The following MACROD2 variants were observed in gnomAD, a reference collection of about 807,000 sequenced individuals.
MACROD2 encodes the protein mono-ADP ribosylhydrolase 2.
A neutral mutation model predicts 70.4 loss-of-function variants in MACROD2; 36 were observed. The ratio of observed to expected loss-of-function variants is 0.51; its 90% CI spans 0.39 to 0.68. The LOEUF is 0.68. Among genes scored for constraint, MACROD2 ranks in the 30% least tolerant of loss-of-function variants. MACROD2 has a pLI of 0.00. For missense variants in MACROD2, 496 were observed against 538.4 expected (o/e 0.92, Z 0.78); for synonymous variants, 172 against 178.8 (o/e 0.96, Z 0.30).
chr20:15,031,574 C>T (rs538321287), intron 5 of MACROD2, among the ~76,000 whole-genome samples: 1 of 152,122 alleles, frequency 6.6e-6, no homozygotes, highest in Non-Finnish European at 1.5e-5. Flanking sequence ...GAGAGGGGAC[C>T]CATACTGGGT....
chr20:14,676,702 G>T (rs544186629), intron 4 of MACROD2, among the ~76,000 whole-genome samples: 1 of 152,140 alleles, frequency 6.6e-6, no homozygotes, highest in African/African-American at 2.4e-5. Context: ...CAGAAGACAA[G>T]AATTAACTAA....
intron 8 of MACROD2, among the ~76,000 whole-genome samples, chr20:15,844,064 G>A (rs1023536034): frequency 6.6e-6 from 1 of 151,610 alleles, no homozygotes; most frequent in African/African-American, 2.4e-5. Flanking sequence ...GCACATATAT[G>A]AGTAGCAAAA....
At chr20:15,708,077 C>T (rs1488587809) in intron 8 of MACROD2, among the ~76,000 whole-genome samples, 1 of 150,940 alleles carries the variant, frequency 6.6e-6, no homozygotes, top group Non-Finnish European at 1.5e-5. Context: ...TGCACTTCTG[C>T]CAGAAGAGGC....
At chr20:14,152,101 G>A (rs1164401205) in intron 3 of MACROD2, among the ~76,000 whole-genome samples, 1 of 151,986 alleles carries the variant, frequency 6.6e-6, no homozygotes, top group Non-Finnish European at 1.5e-5. Context: ...GATTACAGGC[G>A]TGAGCCACCA....
At chr20:15,480,544 C>G (rs374618850) in intron 7 of MACROD2, among the ~76,000 whole-genome samples, 1 of 152,160 alleles carries the variant, frequency 6.6e-6, no homozygotes, top group East Asian at 1.9e-4. Context: ...CTCTGCCCCC[C>G]TTCTCCACTG....
chr20:14,172,271 G>C (rs923230053), intron 3 of MACROD2, among the ~76,000 whole-genome samples: 2 of 149,308 alleles, frequency 1.3e-5, no homozygotes, highest in African/African-American at 4.9e-5. Flanking sequence ...ATAGTTAGTT[G>C]GTGAGTTCTT....
intron 15 of MACROD2, among the ~76,000 whole-genome samples, chr20:16,012,657 A>G (rs2066878654): frequency 6.6e-6 from 1 of 152,250 alleles, no homozygotes; most frequent in South Asian, 2.1e-4. Context: ...CTAATATATT[A>G]TCTGATTACA....
intron 4 of MACROD2, among the ~76,000 whole-genome samples, chr20:14,622,597 A>G (rs1983893348): frequency 1.3e-5 from 2 of 152,138 alleles, no homozygotes; most frequent in South Asian, 4.1e-4. Flanking sequence ...TTCAGAGTCT[A>G]GCTTTCTAGG....
intron 5 of MACROD2, among the ~76,000 whole-genome samples, chr20:15,155,920 G>A (rs1343596961): frequency 6.6e-6 from 1 of 151,930 alleles, no homozygotes. Flanking sequence ...TGCAAATCTG[G>A]TGCTTTGCTT....
intron 8 of MACROD2, among the ~76,000 whole-genome samples, chr20:15,819,577 T>C (rs2063917236): frequency 6.6e-6 from 1 of 150,636 alleles, no homozygotes; most frequent in African/African-American, 2.4e-5. Flanking sequence ...CAATGGAATA[T>C]TATTTAGCCT....
chr20:14,337,349 A>T, intron 3 of MACROD2: 2 of 311,464 alleles, frequency 6.4e-6, no homozygotes, highest in East Asian at 4.8e-5. Context: ...TCTAGAGAGT[A>T]AAACCAAGCA....
intron 8 of MACROD2, among the ~76,000 whole-genome samples, chr20:15,604,797 A>G (rs568237204): frequency 6.6e-6 from 1 of 152,334 alleles, no homozygotes; most frequent in South Asian, 2.1e-4. Flanking sequence ...TTAACTCCTT[A>G]GTAACTGGTT....
chr20:15,501,208 T>C (rs375954506), intron 8 of MACROD2, among the ~76,000 whole-genome samples: 3 of 152,242 alleles, frequency 2.0e-5, no homozygotes, highest in East Asian at 3.8e-4. Flanking sequence ...TGCTTGGTCA[T>C]AGTAAATGTT....
At chr20:15,465,504 G>T (rs569039156) in intron 7 of MACROD2, among the ~76,000 whole-genome samples, 1 of 152,378 alleles carries the variant, frequency 6.6e-6, no homozygotes, top group South Asian at 2.1e-4. Flanking sequence ...GATGGAGTTT[G>T]CAGAGCAGGC....
intron 8 of MACROD2, among the ~76,000 whole-genome samples, chr20:15,735,533 T>A (rs2051007069): frequency 1.3e-5 from 2 of 152,230 alleles, no homozygotes; most frequent in Non-Finnish European, 2.9e-5. Flanking sequence ...GTTAACATGC[T>A]GTTTCATTTG....
chr20:15,332,403 TTTTTCCTAAAG>T (rs1418250594), intron 6 of MACROD2, among the ~76,000 whole-genome samples: 3 of 151,582 alleles, frequency 2.0e-5, no homozygotes, highest in Non-Finnish European at 4.4e-5. Flanking sequence ...GCAAGTAAAA[TTTTTCCTAAAG>T]TATGAAATAG....
intron 6 of MACROD2, among the ~76,000 whole-genome samples, chr20:15,362,776 T>C (rs530662120): frequency 1.8e-4 from 27 of 152,298 alleles, no homozygotes; most frequent in African/African-American, 6.0e-4. Flanking sequence ...TTATTCATTA[T>C]TAAAAATTAG....
At chr20:14,285,765 T>A (rs1038371985) in intron 3 of MACROD2, among the ~76,000 whole-genome samples, 2 of 152,082 alleles carry the variant, frequency 1.3e-5, no homozygotes, top group African/African-American at 4.8e-5. Context: ...TGGTAATAGA[T>A]TGTGTTGAGA....
chr20:15,970,572 T>C (rs1288095578), intron 13 of MACROD2, among the ~76,000 whole-genome samples: 1 of 151,914 alleles, frequency 6.6e-6, no homozygotes, highest in Non-Finnish European at 1.5e-5. Context: ...CAGGCTGTGG[T>C]ACAGAGAGGA....
Sources: gnomAD v4.1 joint callset for allele counts (sites outside exome capture counted in the v4.1 genomes callset) on GRCh38, gnomAD v4.1.1 for gene constraint, MANE v1.5 for transcripts, NCBI Gene and HGNC (gene_info 2026-07-23, HGNC 2026-07-21) for gene names.